The following NEK11 variants were observed in gnomAD, a reference collection of about 807,000 sequenced individuals.
The protein encoded by NEK11 is serine/threonine-protein kinase Nek11.
Under a neutral mutation model 80.7 loss-of-function variants are expected in NEK11, and 72 were observed. The ratio of observed to expected loss-of-function variants is 0.89; its 90% confidence interval spans 0.74 to 1.08. NEK11 has a LOEUF of 1.08. Ranked by LOEUF, NEK11 falls within the 50% of genes least tolerant of loss-of-function variation. NEK11 has a pLI of 0.00. For missense variants in NEK11, 764 were observed against 763.6 expected (o/e 1.00, Z -0.01); for synonymous variants, 251 against 260.7 (o/e 0.96, Z 0.36).
chr3:131,162,411 A>G lies in NEK11; in HGVS notation c.966A>G (p.Gln322=), dbSNP rs755171842. ...GGGGAATCTTTGTTATTTATAGGCA[A>G]AAAAGGATCCACCTGCAGACTCTGA... ...KEAAHIINAM[Q]KRIHLQTLRA... Residue 322 remains glutamine, a synonymous_variant, in exon 11 of 18, where the codon CAA becomes CAG. Coordinates refer to ENST00000383366, the MANE Select transcript of NEK11 (RefSeq NM_024800.5). The G allele has an allele frequency of 2.5e-6, 4 of 1,613,136 alleles. No individual in the cohort carries two copies. Among genetic ancestry groups the G allele is most frequent in the South Asian group, 1.1e-5 (1 of 90,758 alleles).
At chr3:131,305,608 C>G (rs547065649) in intron 17 of NEK11, among the ~76,000 whole-genome samples, 6 of 152,312 alleles carry the variant, frequency 3.9e-5, no homozygotes, top group Non-Finnish European at 8.8e-5. Flanking sequence ...ACACCAAACC[C>G]TCTTGGCTCT....
chr3:131,242,603 A>G (rs2095536209), intron 15 of NEK11, among the ~76,000 whole-genome samples: 2 of 152,156 alleles, frequency 1.3e-5, no homozygotes, highest in Admixed American at 6.6e-5. Flanking sequence ...TTTTTAGTCA[A>G]GTCGGGGTTT....
chr3:131,222,828 C>T (rs937507607), intron 14 of NEK11, among the ~76,000 whole-genome samples: 1 of 152,128 alleles, frequency 6.6e-6, no homozygotes, highest in Non-Finnish European at 1.5e-5. Flanking sequence ...CCCAGAGATC[C>T]GTTTTAACAA....
intron 4 of NEK11, among the ~76,000 whole-genome samples, chr3:131,084,325 G>T (rs771484091): frequency 3.9e-5 from 6 of 152,130 alleles, no homozygotes; most frequent in South Asian, 4.1e-4. Flanking sequence ...GATATTTTTT[G>T]ATGTATTCTT....
rs141165214 is a variant in NEK11, at chr3:131,227,351, G to A, written c.1400-1177G>A. On this transcript the variant is annotated intron_variant, in intron 14 of 17. Transcript: ENST00000383366. ...ATTTGTACAGACTTGGAAATTGAGT[G>A]AACATTTGTATGAAACTTCCCTGCA... is the stretch of plus-strand genomic sequence containing the variant. Among the ~76,000 whole-genome samples, 10 of 152,196 alleles carry A rather than the reference G, an allele frequency of 6.6e-5. 1 individual carries two copies. The East Asian group carries it at 1.9e-3, about 29-fold the overall frequency.
At chr3:131,070,859 G>C (rs1053601773) in intron 3 of NEK11, among the ~76,000 whole-genome samples, 1 of 152,152 alleles carries the variant, frequency 6.6e-6, no homozygotes, top group East Asian at 1.9e-4. Flanking sequence ...ATTGTAACTT[G>C]CTTTGTGACC....
intron 14 of NEK11, among the ~76,000 whole-genome samples, chr3:131,207,124 CAT>C (rs1580176324): frequency 1.3e-5 from 2 of 152,234 alleles, no homozygotes; most frequent in Admixed American, 1.3e-4. Context: ...CCACAATAAA[CAT>C]ATGCGCACAT....
intron 14 of NEK11, among the ~76,000 whole-genome samples, chr3:131,171,876 T>A (rs1378617668): frequency 6.6e-6 from 1 of 152,216 alleles, no homozygotes; most frequent in Non-Finnish European, 1.5e-5. Context: ...AGTGGATGAA[T>A]ACATGAGTGA....
intron 16 of NEK11, among the ~76,000 whole-genome samples, chr3:131,263,770 G>C (rs1388488320): frequency 2.0e-5 from 3 of 152,124 alleles, no homozygotes; most frequent in Non-Finnish European, 1.5e-5. Flanking sequence ...TCTAGTTCTA[G>C]ATCCTTGAGG....
intron 14 of NEK11, among the ~76,000 whole-genome samples, chr3:131,172,783 CAGGGTGAGACA>C (rs1197200539): frequency 6.6e-6 from 1 of 152,150 alleles, no homozygotes; most frequent in Non-Finnish European, 1.5e-5. Flanking sequence ...TTCTTTGTCA[CAGGGTGAGACA>C]GGAGACCAGC....
At chr3:131,217,967 C>T (rs1323510620) in intron 14 of NEK11, among the ~76,000 whole-genome samples, 1 of 152,150 alleles carries the variant, frequency 6.6e-6, no homozygotes, top group Non-Finnish European at 1.5e-5. Context: ...ATTTAGTCAT[C>T]TGAGATGTAA....
At chr3:131,037,577 C>T (rs2065842551) in intron 3 of NEK11, among the ~76,000 whole-genome samples, 1 of 152,178 alleles carries the variant, frequency 6.6e-6, no homozygotes, top group African/African-American at 2.4e-5. Context: ...CCACCATGCC[C>T]AGCAGGAATA....
At chr3:131,243,347 C>T (rs1312567628) in intron 15 of NEK11, 89 bp from the exon 16 acceptor site, 16 of 1,190,570 alleles carry the variant, frequency 1.3e-5, no homozygotes, top group African/African-American at 3.1e-5. Flanking sequence ...ATTTTTTTTT[C>T]GCCTAAATGT....
At chr3:131,335,041 C>A (rs1386000023) in intron 17 of NEK11, among the ~76,000 whole-genome samples, 1 of 152,150 alleles carries the variant, frequency 6.6e-6, no homozygotes, top group Non-Finnish European at 1.5e-5. Flanking sequence ...ACCAGAGGTA[C>A]AAGGAGGAAC....
chr3:131,112,562 G>A (rs1440892067), intron 5 of NEK11, among the ~76,000 whole-genome samples: 1 of 152,140 alleles, frequency 6.6e-6, no homozygotes, highest in East Asian at 1.9e-4. Flanking sequence ...GCATTTTAAT[G>A]TAAGTTATAC....
chr3:131,124,763 TGGG>T (rs2083006110), intron 5 of NEK11, among the ~76,000 whole-genome samples: 1 of 152,196 alleles, frequency 6.6e-6, no homozygotes, highest in Non-Finnish European at 1.5e-5. Flanking sequence ...CTAGGTATCG[TGGG>T]AATGTAAGAA....
chr3:131,295,482 C>T (rs544978121), intron 17 of NEK11, among the ~76,000 whole-genome samples: 10 of 152,142 alleles, frequency 6.6e-5, no homozygotes, highest in African/African-American at 1.9e-4. Flanking sequence ...CGTTATCATG[C>T]GAATCATGAA....
chr3:131,099,385 T>C (rs1008641574), intron 4 of NEK11, among the ~76,000 whole-genome samples: 6 of 152,236 alleles, frequency 3.9e-5, no homozygotes, highest in African/African-American at 1.2e-4. Flanking sequence ...ATAATACAGT[T>C]TGAAGTCAGG....
At chr3:131,083,379 A>G (rs914013268) in intron 4 of NEK11, among the ~76,000 whole-genome samples, 1 of 152,158 alleles carries the variant, frequency 6.6e-6, no homozygotes, top group Non-Finnish European at 1.5e-5. Context: ...GGCAGTGCTG[A>G]GAGACAGCTG....
Sources: allele counts gnomAD v4.1 joint callset (sites outside exome capture counted in the v4.1 genomes callset), GRCh38; gene constraint gnomAD v4.1.1; transcripts MANE v1.5; gene names NCBI Gene and HGNC (gene_info 2026-07-23, HGNC 2026-07-21).